Variants in SLC36A2 observed in about 807,000 individuals in gnomAD.
SLC36A2 encodes solute carrier family 36 member 2, also known as proton-coupled amino acid transporter 2.
In SLC36A2, 39 loss-of-function variants were observed where a neutral mutation model predicts 42.7. The observed-to-expected ratio is 0.91, with a 90% CI of 0.71 to 1.19. SLC36A2 has a LOEUF of 1.19. Among genes scored for constraint, SLC36A2 ranks in the 50% most tolerant of loss-of-function variants. The pLI is 0.00. For synonymous variants in SLC36A2, 237 were observed against 240.8 expected (o/e 0.98, Z 0.15); for missense variants, 590 against 613.7 (o/e 0.96, Z 0.41).
rs1233610433 is a variant in SLC36A2 at position 151,316,825 on chromosome 5, C to A, written c.1444G>T (p.Val482Phe). The change falls in exon 10 of 10, where the codon GTT (valine) becomes TTT (phenylalanine). Residue 482 changes from valine (V) to phenylalanine (F), a missense_variant. Transcript: ENST00000335244. ...SHPFSNSTTF[V>F]R is the part of the protein sequence containing the mutation. ...AAGGAGCAGTGCCAGGCTCACCGAA[C>A]AAAAGTGGTGGAGTTGGAAAAGGGG... 6.2e-7 allele frequency: 1 copy of A among 1,607,404 alleles called. No individual in the cohort carries two copies. The highest frequency in any genetic ancestry group is 2.2e-5 in the East Asian group (1 of 44,476).
intron 4 of SLC36A2, among the ~76,000 whole-genome samples, chr5:151,339,541 C>T (rs1756260422): frequency 2.0e-5 from 3 of 152,186 alleles, no homozygotes; most frequent in Non-Finnish European, 4.4e-5. Flanking sequence ...ATCTCCCGAC[C>T]TCAGGTGATC....
intron 6 of SLC36A2, 152 bp downstream of exon 6, chr5:151,335,177 C>T: frequency 4.6e-6 from 3 of 650,790 alleles, no homozygotes; most frequent in African/African-American, 1.8e-5. Context: ...TGCACGGAGA[C>T]ATCCTTGTAG....
chr5:151,323,637 A>AAGGAGTTTCCCTGTC (rs1755764660), intron 8 of SLC36A2, among the ~76,000 whole-genome samples: 1 of 152,214 alleles, frequency 6.6e-6, no homozygotes, highest in South Asian at 2.1e-4. Context: ...CCTGCCGGAC[A>AAGGAGTTTCCCTGTC]AGGAGTTTCC....
chr5:151,338,948 C>G lies in SLC36A2; in HGVS notation c.525+112G>C, dbSNP rs1229685902. ...GCAAGTTTGACAACATCTAGTTTAACTTCCTTTGTTACATTGATGAGGACC... is the reference window on the plus strand; with the variant it reads ...GCAAGTTTGACAACATCTAGTTTAAGTTCCTTTGTTACATTGATGAGGACC... On this transcript the variant is annotated intron_variant, in intron 5 of 9. Transcript: ENST00000335244. The G allele has an allele frequency of 3.7e-6, 3 of 808,944 alleles. No individual in the cohort carries two copies. In the South Asian group the frequency reaches 4.0e-5, roughly 11 times the overall value. The allele number at this position is 808,944 out of a possible 1,614,324, so 50.1% of individuals were successfully genotyped here. A position where few individuals can be genotyped will look rare whatever the true frequency, so the allele number is the denominator to read the frequency against.
At chr5:151,337,791 A>AT (rs1382469099) in intron 5 of SLC36A2, among the ~76,000 whole-genome samples, 1 of 152,270 alleles carries the variant, frequency 6.6e-6, no homozygotes. Flanking sequence ...AATCTGTGTG[A>AT]TGGAATATTA....
rs1051328759 is a variant in SLC36A2 at position 151,317,475 on chromosome 5, C to T, written c.1181-387G>A. Among the ~76,000 whole-genome samples the T allele has an allele frequency of 2.2e-4, 33 of 151,090 alleles. 1 individual carries two copies. In the South Asian group the frequency reaches 6.9e-3, roughly 32 times the overall value. ...TCATTAAAAAAAAAAAAAAAATCCT[C>T]TTCTTAAAAAATGAACTAATTGTTT... is the stretch of plus-strand genomic sequence containing the variant. On this transcript the variant is annotated intron_variant, in intron 9 of 9. Coordinates refer to ENST00000335244, the MANE Select transcript of SLC36A2 (RefSeq NM_181776.3).
At chr5:151,335,750 T>C (rs1471966660) in intron 5 of SLC36A2, among the ~76,000 whole-genome samples, 1 of 152,134 alleles carries the variant, frequency 6.6e-6, no homozygotes, top group Non-Finnish European at 1.5e-5. Context: ...CTGTACATGC[T>C]GGTTGCAGTG....
At position 151,343,565 on chromosome 5, in the gene SLC36A2, T is replaced by C. The variant is rs1405883382; in HGVS notation, c.289A>G (p.Ile97Val). The change falls in exon 3 of 10, where the codon ATT becomes GTT. Residue 97 changes from isoleucine (I) to valine (V), a missense_variant. Transcript: ENST00000335244. ...GPLSLLVMGF[I>V]ACHCMHILVK... Reference sequence around the variant, plus strand: ...AGGATGTGCATACAGTGGCAGGCAATGAAGCCCATCACCAGCAGACTGAGT... The same window carrying C: ...AGGATGTGCATACAGTGGCAGGCAACGAAGCCCATCACCAGCAGACTGAGT... The C allele has an allele frequency of 1.9e-6, 3 of 1,613,984 alleles. No individual in the cohort carries two copies. The highest frequency in any genetic ancestry group is 2.2e-5 in the East Asian group (1 of 44,886).
intron 1 of SLC36A2, among the ~76,000 whole-genome samples, chr5:151,346,968 A>C (rs889854053): frequency 6.6e-6 from 1 of 152,164 alleles, no homozygotes; most frequent in Non-Finnish European, 1.5e-5. Context: ...CAATCTTAAC[A>C]TCGCTGGCCA....
chr5:151,334,795 T>C (rs1756099404), intron 6 of SLC36A2, among the ~76,000 whole-genome samples: 1 of 152,142 alleles, frequency 6.6e-6, no homozygotes, highest in Non-Finnish European at 1.5e-5. Context: ...TCAAAGACAT[T>C]ATAACTAACA....
At chr5:151,331,275 ATTTC>A (rs371332793) in intron 7 of SLC36A2, among the ~76,000 whole-genome samples, 177 of 151,536 alleles carry the variant, frequency 1.2e-3, no homozygotes, top group Middle Eastern at 3.4e-3. Flanking sequence ...ATGACCTATG[ATTTC>A]TTTCTTTCTT....
At chr5:151,321,919 C>T in intron 9 of SLC36A2, 127 bp downstream of exon 9, 1 of 1,196,260 alleles carries the variant, frequency 8.4e-7, no homozygotes, top group Non-Finnish European at 1.2e-6. Context: ...CTCAGGTGAT[C>T]CACCCGCCTC....
At position 151,347,488 on chromosome 5, in the gene SLC36A2, G is replaced by A. The variant is rs907902295; in HGVS notation, c.-28C>T. 24 of 1,612,416 alleles carry A rather than the reference G, an allele frequency of 1.5e-5. No homozygotes were observed. The highest frequency in any genetic ancestry group is 4.4e-5 in the South Asian group (4 of 91,030). On this transcript the variant is annotated 5_prime_UTR_variant, in exon 1 of 10. Transcript: ENST00000335244. ...CTGCTTAAGAAACAAGGAGCTCGGG[G>A]TGACAAAGAGGTCTGCTCTGGAAGG...
chr5:151,332,773 A>G (rs246487), intron 7 of SLC36A2, among the ~76,000 whole-genome samples: 20 of 152,056 alleles, frequency 1.3e-4, no homozygotes, highest in African/African-American at 4.8e-4. Flanking sequence ...CAAAAAAGTG[A>G]ATGTTACTGT....
chr5:151,337,437 T>G (rs570549571), intron 5 of SLC36A2, among the ~76,000 whole-genome samples: 1 of 152,216 alleles, frequency 6.6e-6, no homozygotes, highest in Non-Finnish European at 1.5e-5. Context: ...AATATCATAT[T>G]GATATTTAAC....
intron 5 of SLC36A2, among the ~76,000 whole-genome samples, chr5:151,338,270 T>G (rs1161221806): frequency 5.9e-5 from 9 of 152,234 alleles, no homozygotes; most frequent in Non-Finnish European, 1.3e-4. Flanking sequence ...ACTTACTGAT[T>G]AAGGATGGCC....
chr5:151,339,310 A>G (rs989547992), intron 4 of SLC36A2, among the ~76,000 whole-genome samples, 166 bp from the exon 5 acceptor site: 1 of 144,932 alleles, frequency 6.9e-6, no homozygotes. Flanking sequence ...GTAAGGTAAC[A>G]ATCGTTCTTT....
At chr5:151,324,639 T>G (rs1413075375) in intron 8 of SLC36A2, among the ~76,000 whole-genome samples, 3 of 152,116 alleles carry the variant, frequency 2.0e-5, no homozygotes, top group Non-Finnish European at 1.5e-5. Flanking sequence ...GCCTGTTTGT[T>G]TGTTTTTAAG....
rs1756533827 is a variant in SLC36A2 at position 151,347,548 on chromosome 5, C to G, written c.-88G>C. On this transcript the variant is annotated 5_prime_UTR_variant, in exon 1 of 10. Transcript: ENST00000335244. Reference sequence around the variant, plus strand: ...GGAAGGTGTCTAGTGTAGATGTACACCCCAGCACAGTGGTGTGTGCCCGGG... The same window carrying G: ...GGAAGGTGTCTAGTGTAGATGTACAGCCCAGCACAGTGGTGTGTGCCCGGG... 1 of 1,528,862 alleles carries G rather than the reference C, an allele frequency of 6.5e-7. No homozygotes were observed. The highest frequency in any genetic ancestry group is 9.0e-7 in the Non-Finnish European group (1 of 1,112,140). The allele number at this position is 1,528,862 out of a possible 1,614,324, so 94.7% of individuals were successfully genotyped here. A position where few individuals can be genotyped will look rare whatever the true frequency, so the allele number is the denominator to read the frequency against.
Sources: gnomAD v4.1 joint callset for allele counts (sites outside exome capture counted in the v4.1 genomes callset) on GRCh38, gnomAD v4.1.1 for gene constraint, MANE v1.5 for transcripts, NCBI Gene and HGNC (gene_info 2026-07-23, HGNC 2026-07-21) for gene names.